PLCB4: variants seen among roughly 807,000 people sequenced by gnomAD.
PLCB4 encodes the protein phospholipase C beta 4, also known as 1-phosphatidylinositol 4,5-bisphosphate phosphodiesterase beta-4.
In PLCB4, 77 loss-of-function variants were observed where a neutral mutation model predicts 178.8. The observed-to-expected ratio is 0.43, with a 90% CI of 0.36 to 0.52. PLCB4 has a LOEUF of 0.52. Ranked by LOEUF, PLCB4 falls within the 20% of genes least tolerant of loss-of-function variation. PLCB4 has a pLI of 0.00. For synonymous variants in PLCB4, 496 were observed against 490.8 expected, an observed-to-expected ratio of 1.01 and a Z score of -0.14; for missense variants, 1,024 against 1,453.4, an observed-to-expected ratio of 0.70 and a Z score of 4.80.
At chr20:9,409,323 T>A in intron 24 of PLCB4, 142 bp downstream of exon 24, 1 of 525,286 alleles carries the variant, frequency 1.9e-6, no homozygotes, top group East Asian at 3.5e-5. Flanking sequence ...ATTTATATAA[T>A]GGTGAGAAAT....
At chr20:9,129,008 G>C (rs995986604) in intron 2 of PLCB4, among the ~76,000 whole-genome samples, 3 of 152,134 alleles carry the variant, frequency 2.0e-5, no homozygotes, top group African/African-American at 7.2e-5. Flanking sequence ...GAATTTCCTT[G>C]TGTTTTAAGG....
chr20:9,122,556 A>C (rs2091993536), intron 2 of PLCB4, among the ~76,000 whole-genome samples: 1 of 152,196 alleles, frequency 6.6e-6, no homozygotes, highest in Admixed American at 6.6e-5. Flanking sequence ...GTCACATCAT[A>C]GTCAATTTCA....
intron 2 of PLCB4, among the ~76,000 whole-genome samples, chr20:9,139,885 A>C (rs2092453303): frequency 6.6e-6 from 1 of 152,078 alleles, no homozygotes; most frequent in African/African-American, 2.4e-5. Flanking sequence ...TGTGGTTGAC[A>C]GGGCCAAGTC....
chr20:9,184,338 G>C (rs2093295142), intron 2 of PLCB4, among the ~76,000 whole-genome samples: 1 of 152,118 alleles, frequency 6.6e-6, no homozygotes, highest in South Asian at 2.1e-4. Context: ...GGCTCAGAAT[G>C]AGTCAAAGTG....
chr20:9,391,579 A>G (rs921578646), intron 17 of PLCB4, among the ~76,000 whole-genome samples: 4 of 152,182 alleles, frequency 2.6e-5, no homozygotes, highest in African/African-American at 9.7e-5. Flanking sequence ...AGAGACAAGG[A>G]TATCTGTATC....
At chr20:9,453,286 C>A (rs2042877118) in intron 32 of PLCB4, 61 bp from the exon 33 acceptor site, 1 of 936,862 alleles carries the variant, frequency 1.1e-6, no homozygotes, top group South Asian at 1.4e-5. Flanking sequence ...GTTATGCCAG[C>A]CCTATATGGT....
intron 3 of PLCB4, among the ~76,000 whole-genome samples, chr20:9,268,989 G>T (rs1324876931): frequency 6.6e-6 from 1 of 152,194 alleles, no homozygotes; most frequent in Non-Finnish European, 1.5e-5. Flanking sequence ...ATTGAGCAAG[G>T]TGGGTAAGCA....
intron 2 of PLCB4, among the ~76,000 whole-genome samples, chr20:9,192,616 C>T (rs2093420033): frequency 6.8e-6 from 1 of 147,242 alleles, no homozygotes; most frequent in Admixed American, 6.9e-5. Context: ...GCCTCGTCCT[C>T]CCAGGGTCTC....
intron 3 of PLCB4, among the ~76,000 whole-genome samples, chr20:9,240,332 T>G (rs577385345): frequency 1.3e-5 from 2 of 152,186 alleles, no homozygotes; most frequent in Admixed American, 6.5e-5. Flanking sequence ...GATTAGAGAG[T>G]GACCTCCAGG....
chr20:9,372,541 C>T, intron 11 of PLCB4, 138 bp downstream of exon 11: 2 of 529,350 alleles, frequency 3.8e-6, no homozygotes, highest in South Asian at 2.8e-5. Flanking sequence ...TTTTTAACCC[C>T]ATACTTTATC....
intron 38 of PLCB4, among the ~76,000 whole-genome samples, chr20:9,474,681 A>AAAATT (rs2122700045): frequency 7.9e-6 from 1 of 126,620 alleles, no homozygotes; most frequent in Admixed American, 8.5e-5. Flanking sequence ...AAGTAAAAAT[A>AAAATT]AAATAAAATA....
At chr20:9,362,871 A>G (rs1454500599) in intron 7 of PLCB4, 25 bp from the exon 8 acceptor site, 2 of 1,538,888 alleles carry the variant, frequency 1.3e-6, no homozygotes, top group Non-Finnish European at 1.8e-6. Flanking sequence ...TTGCTCACCA[A>G]GAATATTTTT....
chr20:9,325,373 A>G (rs770493144), intron 4 of PLCB4, among the ~76,000 whole-genome samples: 9 of 152,192 alleles, frequency 5.9e-5, no homozygotes, highest in Non-Finnish European at 1.3e-4. Flanking sequence ...TGCCCAAGAA[A>G]GTTACTTTGA....
chr20:9,345,962 T>TA (rs34444362), intron 7 of PLCB4, among the ~76,000 whole-genome samples: 11,476 of 149,314 alleles, frequency 0.077, 499 homozygotes, highest in African/African-American at 0.11. Context: ...TTTGTTTCAC[T>TA]AAAAAAAAAA....
At chr20:9,472,716 G>A in intron 36 of PLCB4, 74 bp from the exon 37 acceptor site, 1 of 798,572 alleles carries the variant, frequency 1.3e-6, no homozygotes. Context: ...ATGGAATATA[G>A]CTCTTTATTA....
intron 7 of PLCB4, among the ~76,000 whole-genome samples, chr20:9,340,210 A>G (rs1272550663): frequency 6.6e-6 from 1 of 152,142 alleles, no homozygotes; most frequent in Non-Finnish European, 1.5e-5. Context: ...GGACACTGAG[A>G]TTACAAAACT....
chr20:9,249,287 T>C (rs1340911599), intron 3 of PLCB4, among the ~76,000 whole-genome samples: 1 of 152,090 alleles, frequency 6.6e-6, no homozygotes, highest in Non-Finnish European at 1.5e-5. Context: ...TTGTTACGTA[T>C]GTATACATGT....
At chr20:9,263,809 A>T (rs960418034) in intron 3 of PLCB4, among the ~76,000 whole-genome samples, 1 of 152,178 alleles carries the variant, frequency 6.6e-6, no homozygotes, top group Non-Finnish European at 1.5e-5. Context: ...TTTTGTGTCC[A>T]TCTTATTGTG....
chr20:9,121,477 C>T (rs562045710), intron 2 of PLCB4, among the ~76,000 whole-genome samples: 11 of 152,238 alleles, frequency 7.2e-5, no homozygotes, highest in South Asian at 4.1e-4. Context: ...ATTAGTCAGT[C>T]GTAAATATTT....
Sources: gnomAD v4.1 joint callset for allele counts (sites outside exome capture counted in the v4.1 genomes callset) on GRCh38, gnomAD v4.1.1 for gene constraint, MANE v1.5 for transcripts, NCBI Gene and HGNC (gene_info 2026-07-23, HGNC 2026-07-21) for gene names.